The following RNF103 variants were observed in gnomAD, a reference collection of about 807,000 sequenced individuals.
RNF103 encodes E3 ubiquitin-protein ligase RNF103.
Under a neutral mutation model 66.2 loss-of-function variants are expected in RNF103, and 23 were observed. That is an observed-to-expected ratio of 0.35 (90% CI 0.25 to 0.49). The LOEUF (loss-of-function observed/expected upper bound fraction) is 0.49, where lower values mean the gene tolerates loss of function less well. RNF103 is among the 20% of genes least tolerant of loss of function. The probability of loss-of-function intolerance (pLI) is 0.98; values close to 1 mark genes in which losing one functional copy is unlikely to be tolerated. For missense variants in RNF103, 730 were observed against 814.7 expected (o/e 0.90, Z 1.27); for synonymous variants, 297 against 289.9 (o/e 1.02, Z -0.25).
chr2:86,604,126 C>T lies in RNF103; in HGVS notation c.1775G>A (p.Gly592Glu), dbSNP rs1401222602. 6 of 1,613,366 alleles carry T rather than the reference C, an allele frequency of 3.7e-6. No individual in the cohort carries two copies. Among genetic ancestry groups the T allele is most frequent in the East Asian group, 4.5e-5 (2 of 44,890 alleles). Residue 592 changes from glycine (G) to glutamate (E), a missense_variant, in exon 4 of 4, where the codon GGG becomes GAG. Physicochemically the swap from Gly to Glu is moderately conservative, Grantham distance 98. This residue lies in a region of RNF103 where 355 missense variants were observed against 351.9 expected (regional missense o/e 1.01). Transcript: ENST00000237455. ...YCQTSPCERKGRSYGSYNTNE... is the reference protein window; with the variant it reads ...YCQTSPCERKERSYGSYNTNE... The stretch of plus-strand genomic sequence containing the variant: ...AGTGTTATATGATCCATATGACCTC[C>T]CCTTCCTTTCACATGGGCTGGTCTG...
intron 2 of RNF103, chr2:86,615,135 GA>G: frequency 1.0e-6 from 1 of 985,370 alleles, no homozygotes. Flanking sequence ...AGAAGTGAGT[GA>G]AAAGAGTTGG....
At chr2:86,617,658 G>C (rs1360347330) in intron 2 of RNF103, 1 of 985,070 alleles carries the variant, frequency 1.0e-6, no homozygotes, top group Non-Finnish European at 1.2e-6. Context: ...AATTCAAATT[G>C]TTAAAAACAA....
chr2:86,623,753 G>A lies in RNF103; in HGVS notation c.-867C>T. ...ACTCAGCGCCCGTCCCGCTCGGATG[G>A]GCAGTGCCGGTCGCAGCACCCGTCC... On this transcript the variant is annotated 5_prime_UTR_variant, in exon 1 of 4. Coordinates refer to ENST00000237455, the MANE Select transcript of RNF103 (RefSeq NM_005667.4). The A allele has an allele frequency of 7.8e-7, 1 of 1,280,510 alleles. No homozygotes were observed. The highest frequency in any genetic ancestry group is 2.3e-5 in the Admixed American group (1 of 43,086). The allele number at this position is 1,280,510 out of a possible 1,614,324, so 79.3% of individuals were successfully genotyped here. A position where few individuals can be genotyped will look rare whatever the true frequency, so the allele number is the denominator to read the frequency against.
At chr2:86,622,455 T>C (rs917287098) in intron 1 of RNF103, among the ~76,000 whole-genome samples, 8 of 152,198 alleles carry the variant, frequency 5.3e-5, no homozygotes, top group African/African-American at 1.9e-4. Context: ...CTTAAAAGGA[T>C]ACACCAACAC....
In RNF103 at chr2:86,622,842, C is replaced by T. The variant is rs530694868; in HGVS notation, c.45G>A (p.Leu15=). The change falls in exon 1 of 4, where the codon CTG becomes CTA. Residue 15 remains leucine (L), a synonymous_variant. Transcript: ENST00000237455. ...LFFLLLYFLV[L]FVLARFFEAI... ...CCTCAAAAAACCTGGCCAGGACGAA[C>T]AGGACCAGGAAATAGAGGAGCAAGA... is the stretch of plus-strand genomic sequence containing the variant. The T allele has an allele frequency of 3.1e-6, 5 of 1,613,886 alleles. No homozygotes were observed. In the African/African-American group the frequency reaches 4.0e-5, roughly 13 times the overall value.
At chr2:86,621,902 AAC>A (rs1679242844) in intron 1 of RNF103, among the ~76,000 whole-genome samples, 1 of 152,184 alleles carries the variant, frequency 6.6e-6, no homozygotes, top group Non-Finnish European at 1.5e-5. Context: ...AATTACTAAA[AAC>A]ACATTCTTTA....
At position 86,623,765 on chromosome 2, in the gene RNF103, C is replaced by T. The variant is rs953178790; in HGVS notation, c.-879G>A. ...TCCCGCTCGGATGGGCAGTGCCGGT[C>T]GCAGCACCCGTCCCCAACACCCCCG... is the stretch of plus-strand genomic sequence containing the variant. On this transcript the variant is annotated 5_prime_UTR_variant, in exon 1 of 4. Transcript: ENST00000237455. 3.1e-6 allele frequency: 4 copies of T among 1,282,364 alleles called. No individual in the cohort carries two copies. The highest frequency in any genetic ancestry group is 4.1e-6 in the Non-Finnish European group (4 of 986,248). The allele number at this position is 1,282,364 out of a possible 1,614,324, so 79.4% of individuals were successfully genotyped here. A position where few individuals can be genotyped will look rare whatever the true frequency, so the allele number is the denominator to read the frequency against.
chr2:86,605,076 A>G lies in RNF103; in HGVS notation c.825T>C (p.Ser275=), dbSNP rs760768494. ...TATATATGCCAATATCTGTCATATA[A>G]CTCTTGTTGTCCCAATTTTCTACAT... ...FVNVENWDNK[S]YMTDIGIYNM... The change falls in exon 4 of 4, where the codon AGT becomes AGC. Residue 275 remains serine, a synonymous_variant. Transcript: ENST00000237455. 6.2e-7 allele frequency: 1 copy of G among 1,613,828 alleles called. No homozygotes were observed. The highest frequency in any genetic ancestry group is 8.5e-7 in the Non-Finnish European group (1 of 1,179,966).
At chr2:86,620,766 A>C (rs1373840942) in intron 1 of RNF103, among the ~76,000 whole-genome samples, 1 of 152,228 alleles carries the variant, frequency 6.6e-6, no homozygotes, top group East Asian at 1.9e-4. Context: ...GGAACTTACC[A>C]AATTTGTACC....
At chr2:86,620,210 A>T in intron 2 of RNF103, 120 bp downstream of exon 2, 1 of 1,257,870 alleles carries the variant, frequency 7.9e-7, no homozygotes, top group South Asian at 2.5e-5. Context: ...AAGAGAACTG[A>T]GTTATGTGTG....
Position 86,623,392 on chromosome 2 carries a change from G to A in RNF103, c.-506C>T. 1.0e-6 allele frequency: 1 copy of A among 980,134 alleles called. No individual in the cohort carries two copies. Among genetic ancestry groups the A allele is most frequent in the Non-Finnish European group, 1.2e-6 (1 of 826,598 alleles). The allele number at this position is 980,134 out of a possible 1,614,324, so 60.7% of individuals were successfully genotyped here. A position where few individuals can be genotyped will look rare whatever the true frequency, so the allele number is the denominator to read the frequency against. On this transcript the variant is annotated 5_prime_UTR_variant, in exon 1 of 4. Coordinates refer to ENST00000237455, the MANE Select transcript of RNF103 (RefSeq NM_005667.4). Reference sequence around the variant, plus strand: ...GGGCCGTGGGGGCCGGACTCCCGCGGCCGCGGGTCAGGAGGGCGCGGCGCT... The same window carrying A: ...GGGCCGTGGGGGCCGGACTCCCGCGACCGCGGGTCAGGAGGGCGCGGCGCT...
rs959702010 is a variant in RNF103, at chr2:86,623,045, C to T, written c.-159G>A. The stretch of plus-strand genomic sequence containing the variant: ...TGGCCGGCCATCCCCGGCGGGGAAG[C>T]AGGTGACGGGATCCGCGCGGGCGCG... On this transcript the variant is annotated 5_prime_UTR_variant, in exon 1 of 4. Coordinates refer to ENST00000237455, the MANE Select transcript of RNF103 (RefSeq NM_005667.4). 1.5e-6 allele frequency: 2 copies of T among 1,342,578 alleles called. No homozygotes were observed. The highest frequency in any genetic ancestry group is 3.1e-5 in the African/African-American group (2 of 64,222). The allele number at this position is 1,342,578 out of a possible 1,614,324, so 83.2% of individuals were successfully genotyped here.
intron 2 of RNF103, 87 bp downstream of exon 2, chr2:86,620,243 G>A: frequency 7.2e-7 from 1 of 1,388,608 alleles, no homozygotes; most frequent in East Asian, 2.4e-5. Flanking sequence ...CAAGGACACG[G>A]AAGTGTCACT....
chr2:86,623,106 G>C lies in RNF103; in HGVS notation c.-220C>G, dbSNP rs1337988318. 5 of 1,251,808 alleles carry C rather than the reference G, an allele frequency of 4.0e-6. No individual in the cohort carries two copies. The highest frequency in any genetic ancestry group is 5.0e-6 in the Non-Finnish European group (5 of 1,001,554). The allele number at this position is 1,251,808 out of a possible 1,614,324, so 77.5% of individuals were successfully genotyped here. A position where few individuals can be genotyped will look rare whatever the true frequency, so the allele number is the denominator to read the frequency against. On this transcript the variant is annotated 5_prime_UTR_variant, in exon 1 of 4. Transcript: ENST00000237455. ...GAGGGACGCAGAGACGCAGAGCCTCGCGCCGGGCCTCCCAGTCAAGAGCCG... is the reference window on the plus strand; with the variant it reads ...GAGGGACGCAGAGACGCAGAGCCTCCCGCCGGGCCTCCCAGTCAAGAGCCG...
intron 3 of RNF103, among the ~76,000 whole-genome samples, chr2:86,610,939 C>A (rs151001007): frequency 1.3e-3 from 192 of 145,336 alleles, no homozygotes; most frequent in African/African-American, 4.7e-3. Context: ...GACATTTCAA[C>A]AAAAGACATT....
At chr2:86,615,142 G>T in intron 2 of RNF103, 1 of 985,404 alleles carries the variant, frequency 1.0e-6, no homozygotes, top group Non-Finnish European at 1.2e-6. Context: ...AGTGAAAAGA[G>T]TTGGGAACAT....
In RNF103 at chr2:86,623,250, G is replaced by A. The variant is rs1314708584; in HGVS notation, c.-364C>T. On this transcript the variant is annotated 5_prime_UTR_variant, in exon 1 of 4. Coordinates refer to ENST00000237455, the MANE Select transcript of RNF103 (RefSeq NM_005667.4). ...GGACGCTTCCCCCGGGGCGGGCACT[G>A]ACCCAGGTGGCGGGGTCGGCCCTCC... The A allele has an allele frequency of 4.0e-6, 4 of 1,002,196 alleles. No homozygotes were observed. Among genetic ancestry groups the A allele is most frequent in the Admixed American group, 6.1e-5 (1 of 16,414 alleles). 62.1% of individuals were successfully genotyped at this position (1,002,196 alleles called of 1,614,324 possible). A position where few individuals can be genotyped will look rare whatever the true frequency, so the allele number is the denominator to read the frequency against.
At chr2:86,609,202 C>A (rs1678688353) in intron 3 of RNF103, among the ~76,000 whole-genome samples, 1 of 152,076 alleles carries the variant, frequency 6.6e-6, no homozygotes. Flanking sequence ...CGAGAGTGGG[C>A]TGACATAAAG....
At chr2:86,621,973 GC>G (rs1183865303) in intron 1 of RNF103, among the ~76,000 whole-genome samples, 5 of 152,114 alleles carry the variant, frequency 3.3e-5, no homozygotes, top group African/African-American at 1.2e-4. Context: ...ATTAAACAAT[GC>G]AAGGGTACCT....
Sources: gnomAD v4.1 joint callset for allele counts (sites outside exome capture counted in the v4.1 genomes callset) on GRCh38, gnomAD v4.1.1 for gene constraint, gnomAD v4.1.1 regional missense constraint, MANE v1.5 for transcripts, NCBI Gene and HGNC (gene_info 2026-07-23, HGNC 2026-07-21) for gene names.